ARB2A: variants seen among roughly 807,000 people sequenced by gnomAD.
ARB2A encodes the protein ARB2 cotranscriptional regulator A.
At chr5:93,767,599 T>C in the ARB2A span, among the ~76,000 whole-genome samples, 70 of 152,086 alleles carry the variant, frequency 4.6e-4, no homozygotes, top group Non-Finnish European at 9.1e-4. Context: ...CAACTGACAA[T>C]TGCAAAATCG....
At chr5:93,807,345 G>C in the ARB2A span, among the ~76,000 whole-genome samples, 4 of 151,886 alleles carry the variant, frequency 2.6e-5, no homozygotes, top group Non-Finnish European at 4.4e-5. Flanking sequence ...CCAAGTAACA[G>C]ACTACTATTT....
chr5:93,748,508 A>T, the ARB2A span, among the ~76,000 whole-genome samples: 33 of 152,232 alleles, frequency 2.2e-4, 1 homozygote, highest in South Asian at 6.4e-3. Flanking sequence ...AAAGTTTTTA[A>T]ATTCTCAAAT....
At chr5:93,861,899 T>A in the ARB2A span, 1 of 152,212 alleles carries the variant, frequency 6.6e-6, no homozygotes, top group East Asian at 1.9e-4. Flanking sequence ...AGTATCCGTA[T>A]CACTGGATTT....
the ARB2A span, chr5:94,053,095 A>AGATT: frequency 1.7e-6 from 2 of 1,207,142 alleles, no homozygotes; most frequent in Non-Finnish European, 2.4e-6. Context: ...ATAGATAGAT[A>AGATT]GATAGATAGA....
chr5:93,968,646 T>G, the ARB2A span, among the ~76,000 whole-genome samples: 1 of 151,998 alleles, frequency 6.6e-6, no homozygotes, highest in Non-Finnish European at 1.5e-5. Context: ...GAGAAAATAT[T>G]TGAAGCAATG....
the ARB2A span, among the ~76,000 whole-genome samples, chr5:93,985,538 C>T: frequency 2.0e-5 from 3 of 152,300 alleles, no homozygotes; most frequent in East Asian, 1.9e-4. Flanking sequence ...ATTCTCCTGC[C>T]TCAGCCTGCC....
chr5:94,105,967 T>C, the ARB2A span, among the ~76,000 whole-genome samples: 1 of 152,002 alleles, frequency 6.6e-6, no homozygotes, highest in Non-Finnish European at 1.5e-5. Context: ...CCTTTTACCA[T>C]ACACAAAAAT....
At chr5:93,981,536 C>T in the ARB2A span, among the ~76,000 whole-genome samples, 1 of 151,970 alleles carries the variant, frequency 6.6e-6, no homozygotes, top group Non-Finnish European at 1.5e-5. Context: ...TTAACAGAAA[C>T]AGACTCTAAA....
chr5:93,859,128 C>T, the ARB2A span, among the ~76,000 whole-genome samples: 2 of 152,018 alleles, frequency 1.3e-5, no homozygotes, highest in Admixed American at 6.6e-5. Flanking sequence ...TTAAAGGTGG[C>T]ACTTCAAATC....
chr5:93,724,102 T>C, the ARB2A span, among the ~76,000 whole-genome samples: 1 of 151,998 alleles, frequency 6.6e-6, no homozygotes, highest in Admixed American at 6.6e-5. Context: ...AAATTACTAA[T>C]TTCTAAATGA....
At chr5:93,769,392 T>C in the ARB2A span, among the ~76,000 whole-genome samples, 1 of 152,232 alleles carries the variant, frequency 6.6e-6, no homozygotes, top group Non-Finnish European at 1.5e-5. Context: ...ACAGAAATTA[T>C]TGATCAGAGA....
At chr5:93,831,435 A>G in the ARB2A span, among the ~76,000 whole-genome samples, 1 of 152,172 alleles carries the variant, frequency 6.6e-6, no homozygotes. Context: ...CTTATGCTCC[A>G]GGCAAATCTG....
At chr5:93,721,204 T>G in the ARB2A span, among the ~76,000 whole-genome samples, 16 of 152,164 alleles carry the variant, frequency 1.1e-4, no homozygotes, top group African/African-American at 3.6e-4. Flanking sequence ...GGCAGCTCTG[T>G]AAGATGAATT....
At chr5:93,745,901 A>T in the ARB2A span, among the ~76,000 whole-genome samples, 1 of 152,102 alleles carries the variant, frequency 6.6e-6, no homozygotes, top group Non-Finnish European at 1.5e-5. Context: ...CATATTAGTT[A>T]AGGAGCAAGA....
chr5:94,111,310 T>C, the ARB2A span, among the ~76,000 whole-genome samples: 1 of 150,434 alleles, frequency 6.6e-6, no homozygotes, highest in African/African-American at 2.5e-5. Flanking sequence ...GCCTAGAGAG[T>C]GGAAATGGAA....
At chr5:94,037,969 T>A in the ARB2A span, among the ~76,000 whole-genome samples, 24 of 152,266 alleles carry the variant, frequency 1.6e-4, no homozygotes, top group South Asian at 4.1e-4. Flanking sequence ...TTTTTATAAG[T>A]GTGATCCTAT....
chr5:94,023,889 G>A, the ARB2A span, among the ~76,000 whole-genome samples: 42 of 152,282 alleles, frequency 2.8e-4, no homozygotes, highest in African/African-American at 1.0e-3. Flanking sequence ...TCGTGCCATA[G>A]TGTGCTGAAA....
At chr5:93,854,784 A>G in the ARB2A span, among the ~76,000 whole-genome samples, 1 of 152,162 alleles carries the variant, frequency 6.6e-6, no homozygotes, top group Non-Finnish European at 1.5e-5. Context: ...GAGTTTCTTA[A>G]TCCTGAGTTC....
At chr5:93,764,409 T>C in the ARB2A span, among the ~76,000 whole-genome samples, 1 of 152,160 alleles carries the variant, frequency 6.6e-6, no homozygotes, top group Non-Finnish European at 1.5e-5. Context: ...CATCAGAGAA[T>C]ACTATAAACA....
Sources: gnomAD v4.1 joint callset for allele counts (sites outside exome capture counted in the v4.1 genomes callset) on GRCh38, gnomAD v4.1.1 for gene constraint, MANE v1.5 for transcripts, NCBI Gene and HGNC (gene_info 2026-07-23, HGNC 2026-07-21) for gene names.